CLIC4: variants seen among roughly 807,000 people sequenced by gnomAD.
CLIC4 encodes the protein chloride intracellular channel protein 4.
A neutral mutation model predicts 24.6 loss-of-function variants in CLIC4; 13 were observed. The ratio of observed to expected loss-of-function variants is 0.53; its 90% CI spans 0.34 to 0.84. The LOEUF (loss-of-function observed/expected upper bound fraction) is 0.84. Among genes scored for constraint, CLIC4 ranks in the 40% least tolerant of loss-of-function variants. CLIC4 has a pLI of 0.01. For synonymous variants in CLIC4, 104 were observed against 111.3 expected, an observed-to-expected ratio of 0.93 and a Z score of 0.41; for missense variants, 227 against 301.7, an observed-to-expected ratio of 0.75 and a Z score of 1.83.
intron 1 of CLIC4, among the ~76,000 whole-genome samples, chr1:24,756,046 C>T (rs1331096767): frequency 1.4e-5 from 2 of 147,512 alleles, no homozygotes; most frequent in Non-Finnish European, 3.0e-5. Context: ...GTCGCCCAGG[C>T]TGGAGTGCAG....
intron 1 of CLIC4, among the ~76,000 whole-genome samples, chr1:24,748,920 T>C (rs1214153232): frequency 7.0e-6 from 1 of 142,950 alleles, no homozygotes; most frequent in African/African-American, 3.1e-5. Context: ...CTTGTAAATA[T>C]AGTTATTTTG....
intron 3 of CLIC4, among the ~76,000 whole-genome samples, chr1:24,819,228 T>G (rs958498803): frequency 3.3e-5 from 5 of 152,156 alleles, no homozygotes; most frequent in Admixed American, 1.3e-4. Flanking sequence ...TTTTTTTCTC[T>G]ACCTTCCCAG....
intron 2 of CLIC4, 61 bp from the exon 3 acceptor site, chr1:24,814,033 A>G: frequency 6.2e-7 from 1 of 1,603,962 alleles, no homozygotes; most frequent in Non-Finnish European, 8.5e-7. Flanking sequence ...GAGAATTTAA[A>G]GTATTATTGT....
chr1:24,810,612 A>T (rs1032940506), intron 2 of CLIC4, among the ~76,000 whole-genome samples: 2 of 152,278 alleles, frequency 1.3e-5, no homozygotes, highest in Admixed American at 6.5e-5. Flanking sequence ...TCTACAAAAA[A>T]TTTTTTAAAA....
chr1:24,806,749 TATG>T (rs774501899), intron 2 of CLIC4, among the ~76,000 whole-genome samples: 2 of 152,236 alleles, frequency 1.3e-5, no homozygotes, highest in Non-Finnish European at 2.9e-5. Context: ...GCTTTGTTAA[TATG>T]ATACTAAAAG....
intron 1 of CLIC4, among the ~76,000 whole-genome samples, chr1:24,753,108 G>A (rs1638797105): frequency 6.6e-6 from 1 of 152,140 alleles, no homozygotes; most frequent in Non-Finnish European, 1.5e-5. Context: ...AAATTCTAAT[G>A]TGAGGCTTTT....
chr1:24,790,212 T>C (rs1639317021), intron 1 of CLIC4, among the ~76,000 whole-genome samples: 2 of 152,162 alleles, frequency 1.3e-5, no homozygotes, highest in South Asian at 4.1e-4. Context: ...GCTGGGATTA[T>C]AGGCGTGCGC....
rs1281292302 is a variant in CLIC4, at chr1:24,839,589, G to T, written c.416-271G>T. Among the ~76,000 whole-genome samples, 29 of 152,072 alleles carry T rather than the reference G, an allele frequency of 1.9e-4. 1 individual carries two copies. On this transcript the variant is annotated intron_variant, in intron 4 of 5. Transcript: ENST00000374379. ...GCTGGGATTACAGGCGTGAGCCACC[G>T]CGCCCGGCCATTTGTTAGCAAGTTT...
chr1:24,816,094 A>G (rs969142858), intron 3 of CLIC4, among the ~76,000 whole-genome samples: 1 of 152,118 alleles, frequency 6.6e-6, no homozygotes, highest in South Asian at 2.1e-4. Context: ...TTCTCTTGCT[A>G]TTTTCAACAC....
chr1:24,816,241 T>TA (rs1013304406), intron 3 of CLIC4, among the ~76,000 whole-genome samples: 2 of 145,244 alleles, frequency 1.4e-5, no homozygotes, highest in Non-Finnish European at 3.0e-5. Flanking sequence ...CGTGTTTTTT[T>TA]TTTTTTTTTT....
intron 3 of CLIC4, among the ~76,000 whole-genome samples, chr1:24,822,582 C>A (rs897288528): frequency 1.3e-5 from 2 of 152,054 alleles, no homozygotes; most frequent in Admixed American, 6.6e-5. Context: ...AGTGATCCGA[C>A]CTCCTTGGCC....
chr1:24,818,244 T>C (rs1639690485), intron 3 of CLIC4, among the ~76,000 whole-genome samples: 1 of 152,006 alleles, frequency 6.6e-6, no homozygotes, highest in African/African-American at 2.4e-5. Flanking sequence ...CAAAGCACAA[T>C]AAGACAAGTT....
chr1:24,800,544 C>T (rs1197734848), intron 2 of CLIC4, among the ~76,000 whole-genome samples: 1 of 151,904 alleles, frequency 6.6e-6, no homozygotes, highest in African/African-American at 2.4e-5. Context: ...TCTGCCTGGC[C>T]ACCACCCCGT....
chr1:24,786,073 A>G lies in CLIC4; in HGVS notation c.73-11669A>G, dbSNP rs1446021075. On this transcript the variant is annotated intron_variant, in intron 1 of 5. Transcript: ENST00000374379. ...TTTAAAGTTCATTCTTTAACAACAC[A>G]TTACTCTATACGCTCCCCAGAAAAT... Among the ~76,000 whole-genome samples, 5 of 152,148 alleles carry G rather than the reference A, an allele frequency of 3.3e-5. No individual in the cohort carries two copies. In the East Asian group the frequency reaches 5.8e-4, roughly 18 times the overall value.
At position 24,840,032 on chromosome 1, in the gene CLIC4, T is replaced by C. The variant is rs371619225; in HGVS notation, c.588T>C (p.His196=). Residue 196 remains histidine, a synonymous_variant, in exon 5 of 6, where the codon CAT becomes CAC. Coordinates refer to ENST00000374379, the MANE Select transcript of CLIC4 (RefSeq NM_013943.3). The part of the protein sequence containing the change: ...LADCNLLPKL[H]IVKVVAKKYR... ...ATTGCAACCTGCTGCCCAAACTGCATATTGTCAAGGTAGGTCTGTAGGGGT... is the reference window on the plus strand; with the variant it reads ...ATTGCAACCTGCTGCCCAAACTGCACATTGTCAAGGTAGGTCTGTAGGGGT... 6.2e-7 allele frequency: 1 copy of C among 1,613,938 alleles called. No homozygotes were observed. The highest frequency in any genetic ancestry group is 1.1e-5 in the South Asian group (1 of 91,054).
At chr1:24,747,872 T>A (rs1480699249) in intron 1 of CLIC4, among the ~76,000 whole-genome samples, 1 of 151,684 alleles carries the variant, frequency 6.6e-6, no homozygotes, top group African/African-American at 2.4e-5. Context: ...CTGTCTCTAC[T>A]AAAAATAGAA....
At chr1:24,762,364 C>T (rs969830763) in intron 1 of CLIC4, among the ~76,000 whole-genome samples, 4 of 152,206 alleles carry the variant, frequency 2.6e-5, no homozygotes, top group African/African-American at 9.6e-5. Context: ...TTAGAGGCTA[C>T]GGTGAGATAT....
At chr1:24,804,580 GAT>G (rs1491263293) in intron 2 of CLIC4, among the ~76,000 whole-genome samples, 1 of 147,450 alleles carries the variant, frequency 6.8e-6, no homozygotes, top group Non-Finnish European at 1.5e-5. Flanking sequence ...GGTGGGTGGG[GAT>G]GTGTGTGTGT....
At chr1:24,820,165 A>T (rs1571261086) in intron 3 of CLIC4, among the ~76,000 whole-genome samples, 1 of 129,560 alleles carries the variant, frequency 7.7e-6, no homozygotes. Context: ...GCAACCTTGA[A>T]CTCCTAGCCT....
Sources: gnomAD v4.1 joint callset for allele counts (sites outside exome capture counted in the v4.1 genomes callset) on GRCh38, gnomAD v4.1.1 for gene constraint, MANE v1.5 for transcripts, NCBI Gene and HGNC (gene_info 2026-07-23, HGNC 2026-07-21) for gene names.